Variants in NPEPL1 observed in about 807,000 individuals in gnomAD.
The protein encoded by NPEPL1 is aminopeptidase like 1, also known as probable aminopeptidase NPEPL1.
NPEPL1 carries 45 observed loss-of-function variants against 52.4 expected under a neutral mutation model. That is an observed-to-expected ratio of 0.86 (90% CI 0.68 to 1.10). The LOEUF is 1.10. NPEPL1 is among the 50% of genes least tolerant of loss of function. NPEPL1 has a pLI of 0.00. For missense variants in NPEPL1, 696 were observed against 710.9 expected, an observed-to-expected ratio of 0.98 and a Z score of 0.24; for synonymous variants, 360 against 314.7, an observed-to-expected ratio of 1.14 and a Z score of -1.52.
chr20:58,711,082 C>A (rs1263213920), intron 7 of NPEPL1: 13 of 109,312 alleles, frequency 1.2e-4, no homozygotes, highest in Non-Finnish European at 2.2e-4. Flanking sequence ...CTCCTCCCCC[C>A]CCGCCTCCTC....
intron 8 of NPEPL1, 96 bp downstream of exon 8, chr20:58,712,675 C>T (rs1457699000): frequency 6.5e-6 from 6 of 919,472 alleles, no homozygotes; most frequent in Non-Finnish European, 1.1e-5. Flanking sequence ...ATCGGGAGGG[C>T]ACTCAGCGTT....
upstream of NPEPL1, chr20:58,692,584 A>C (rs1487708535): frequency 1.3e-5 from 2 of 152,896 alleles, no homozygotes; most frequent in Non-Finnish European, 2.9e-5. The surrounding 1 kb of genome is among the most constrained non-coding windows in gnomAD (Gnocchi z 5.7). Context: ...CGTGTTGGGC[A>C]GGGCCGCTAG....
chr20:58,694,488 A>T lies in NPEPL1; in HGVS notation c.403A>T (p.Thr135Ser). 6.2e-7 allele frequency: 1 copy of T among 1,613,748 alleles called. No individual in the cohort carries two copies. Among genetic ancestry groups the T allele is most frequent in the Non-Finnish European group, 8.5e-7 (1 of 1,179,824 alleles). The part of the protein sequence containing the change: ...CALARAFPLF[T>S]HRSGASRRLE... ...CCTGGCCCGGGCCTTCCCGCTGTTC[A>T]CCCACCGCTCAGGTGCCTCTCGGCG... is the stretch of plus-strand genomic sequence containing the variant. The change falls in exon 3 of 12, where the codon ACC becomes TCC. Residue 135 changes from threonine to serine, a missense_variant. Physicochemically the swap from Thr to Ser is moderately conservative, Grantham distance 58 (BLOSUM62 1). Coordinates refer to ENST00000356091, the MANE Select transcript of NPEPL1 (RefSeq NM_024663.4).
chr20:58,713,262 A>C lies in NPEPL1; in HGVS notation c.1002-158A>C, dbSNP rs562178802. The C allele has an allele frequency of 1.1e-6, 1 of 886,688 alleles. No individual in the cohort carries two copies. Among genetic ancestry groups the C allele is most frequent in the Admixed American group, 2.8e-5 (1 of 35,840 alleles). The allele number at this position is 886,688 out of a possible 1,614,324, so 54.9% of individuals were successfully genotyped here. On this transcript the variant is annotated intron_variant, in intron 8 of 11. Coordinates refer to ENST00000356091, the MANE Select transcript of NPEPL1 (RefSeq NM_024663.4). The surrounding 1 kb of genome is among the most constrained non-coding windows in gnomAD (Gnocchi z 4.6). ...CTCCAGGCACTGCATTGCTGTAGGG[A>C]CTGGGGGCATCCCGGCCTTCCCATT...
upstream of NPEPL1, among the ~76,000 whole-genome samples, chr20:58,690,836 A>G (rs2084331955): frequency 6.6e-6 from 1 of 151,856 alleles, no homozygotes. Flanking sequence ...CTCATTTCCA[A>G]CTCCTTGTAC....
At chr20:58,693,171 G>GGGCCGCCTCCCTGAAGGGCTC in intron 1 of NPEPL1, 121 bp downstream of exon 1, 2 of 703,028 alleles carry the variant, frequency 2.8e-6, no homozygotes, top group Non-Finnish European at 3.5e-6. Flanking sequence ...CAACGAGGCC[G>GGGCCGCCTCCCTGAAGGGCTC]GGCCGCCTCC....
upstream of NPEPL1, chr20:58,691,437 A>C (rs758397491): frequency 2.9e-6 from 2 of 688,538 alleles, no homozygotes; most frequent in Non-Finnish European, 5.2e-6. Context: ...GGAGGAAAAA[A>C]AAACAACAAA....
intron 3 of NPEPL1, 89 bp downstream of exon 3, chr20:58,694,681 C>A (rs1365825334): frequency 7.3e-6 from 10 of 1,361,140 alleles, no homozygotes; most frequent in Admixed American, 2.8e-5. Flanking sequence ...AAGCTTGTTG[C>A]GGGGGCAGGA....
At chr20:58,695,459 G>A (rs1466807073) in intron 3 of NPEPL1, among the ~76,000 whole-genome samples, 1 of 152,186 alleles carries the variant, frequency 6.6e-6, no homozygotes, top group Non-Finnish European at 1.5e-5. Context: ...CCAGATCCTT[G>A]GATGGGCCTG....
At chr20:58,712,626 G>A (rs201236099) in intron 8 of NPEPL1, 47 bp downstream of exon 8, 466 of 1,370,696 alleles carry the variant, frequency 3.4e-4, no homozygotes, top group Non-Finnish European at 4.0e-4. Context: ...TGGAACTCGC[G>A]ACCCTTCCCG....
chr20:58,699,265 G>T lies in NPEPL1; in HGVS notation c.666G>T (p.Thr222=). ...PTIIRDEELK[T]RGFGGIYGVG... is the part of the protein sequence containing the mutation. Reference sequence around the variant, plus strand: ...TCATCCGGGATGAGGAACTGAAGACGAGAGGATTTGGAGGTGGGTGGGGGC... The same window carrying T: ...TCATCCGGGATGAGGAACTGAAGACTAGAGGATTTGGAGGTGGGTGGGGGC... Residue 222 remains threonine (T), a synonymous_variant, in exon 5 of 12, where the codon ACG becomes ACT. Transcript: ENST00000356091. 2 of 1,606,404 alleles carry T rather than the reference G, an allele frequency of 1.2e-6. No individual in the cohort carries two copies. Among genetic ancestry groups the T allele is most frequent in the Non-Finnish European group, 1.7e-6 (2 of 1,176,358 alleles).
Position 58,708,011 on chromosome 20 carries a change from G to T in NPEPL1, c.900+811G>T, listed in dbSNP as rs532756765. On this transcript the variant is annotated intron_variant, in intron 7 of 11. Transcript: ENST00000356091. The stretch of plus-strand genomic sequence containing the variant: ...GTGGCGGAGGATCGATTGAGCCCGG[G>T]AGGTTGAGGCTGCAGTGAGCTAAGA... Among the ~76,000 whole-genome samples, 448 of 152,312 alleles carry T rather than the reference G, an allele frequency of 2.9e-3. 3 individuals are homozygous for T. The highest frequency in any genetic ancestry group is 0.01 in the African/African-American group (426 of 41,566).
intron 6 of NPEPL1, chr20:58,703,370 T>C: frequency 3.1e-6 from 2 of 636,726 alleles, no homozygotes; most frequent in Non-Finnish European, 3.9e-6. Context: ...CACACGGTGG[T>C]AATAAGCAAA....
intron 6 of NPEPL1, 44 bp downstream of exon 6, chr20:58,701,202 G>A (rs1405581393): frequency 2.9e-6 from 4 of 1,365,550 alleles, no homozygotes; most frequent in East Asian, 3.4e-5. Flanking sequence ...GGGAGGGGAG[G>A]GGAAGGTGAG....
Position 58,695,260 on chromosome 20 carries a change from G to GGT in NPEPL1, c.507+681_507+682dup, listed in dbSNP as rs1568848016. Among the ~76,000 whole-genome samples, 93 of 151,362 alleles carry GGT rather than the reference G, an allele frequency of 6.1e-4. No homozygotes were observed. In the South Asian group the frequency reaches 8.8e-3, roughly 14 times the overall value. On this transcript the variant is annotated intron_variant, in intron 3 of 11. Transcript: ENST00000356091. ...TATGAGTGCTGGTGTGTGCATGAGT[G>GGT]GTGTGTGTGTGTGTTGTGTGTGTTG... is the stretch of plus-strand genomic sequence containing the variant.
chr20:58,695,068 G>GTGC (rs2084443403), intron 3 of NPEPL1, among the ~76,000 whole-genome samples: 2 of 4,678 alleles, frequency 4.3e-4, no homozygotes, highest in Non-Finnish European at 4.7e-4. Flanking sequence ...GTGTGCATGA[G>GTGC]TGGTGTGTGT....
At chr20:58,691,966 C>G (rs2084357981), upstream of NPEPL1, 1 of 675,408 alleles carries the variant, frequency 1.5e-6, no homozygotes, top group Non-Finnish European at 2.7e-6. Flanking sequence ...CCTGGCTCCT[C>G]CACCACCCGG....
chr20:58,695,387 A>C (rs2123088432), intron 3 of NPEPL1, among the ~76,000 whole-genome samples: 1 of 53,208 alleles, frequency 1.9e-5, no homozygotes, highest in Admixed American at 2.0e-4. Flanking sequence ...TACATGTGTT[A>C]TTTCACTCAA....
chr20:58,695,290 G>T (rs1017780531), intron 3 of NPEPL1, among the ~76,000 whole-genome samples: 101 of 7,150 alleles, frequency 0.014, no homozygotes, highest in African/African-American at 0.063. Context: ...GTGTTGCTGT[G>T]TGTGTATGAG....
Sources: allele counts gnomAD v4.1 joint callset (sites outside exome capture counted in the v4.1 genomes callset), GRCh38; gene constraint gnomAD v4.1.1; non-coding constraint Gnocchi (gnomAD v3.1); transcripts MANE v1.5; gene names NCBI Gene and HGNC (gene_info 2026-07-23, HGNC 2026-07-21).